Variants in SNX4 observed in about 807,000 individuals in gnomAD.
The protein encoded by SNX4 is sorting nexin 4, also known as sorting nexin-4.
Under a neutral mutation model 70.8 loss-of-function variants are expected in SNX4, and 49 were observed. The observed-to-expected ratio is 0.69, with a 90% CI of 0.55 to 0.88. The LOEUF (loss-of-function observed/expected upper bound fraction) is 0.88. Ranked by LOEUF, SNX4 falls within the 40% of genes least tolerant of loss-of-function variation. The pLI is 0.00. For missense variants in SNX4, 528 were observed against 544.8 expected, an observed-to-expected ratio of 0.97 and a Z score of 0.31; for synonymous variants, 206 against 183.8, an observed-to-expected ratio of 1.12 and a Z score of -0.98.
At chr3:125,492,087 G>C (rs1407129687) in intron 5 of SNX4, among the ~76,000 whole-genome samples, 1 of 109,286 alleles carries the variant, frequency 9.2e-6, no homozygotes, top group African/African-American at 3.7e-5. Context: ...CAGCCTGGGT[G>C]ACAGAGAAAG....
intron 2 of SNX4, among the ~76,000 whole-genome samples, chr3:125,500,956 G>A (rs1444412780): frequency 3.3e-5 from 5 of 150,264 alleles, no homozygotes; most frequent in Non-Finnish European, 7.4e-5. Flanking sequence ...GTTGCTAAAT[G>A]GGCTTTCTAC....
chr3:125,453,494 ATT>A (rs879307802), intron 12 of SNX4, among the ~76,000 whole-genome samples: 20,848 of 142,298 alleles, frequency 0.15, 1,496 homozygotes, highest in African/African-American at 0.19. Context: ...ACTTTCTTTT[ATT>A]TTTATTTATT....
rs112353038 is a variant in SNX4, at chr3:125,466,944, G to A, written c.854+2510C>T. On this transcript the variant is annotated intron_variant, in intron 9 of 13. Transcript: ENST00000251775. ...CTAAAAATACAAAAATTAGCTGGGTGTGGTGGCACATGTCTGTAGTCCCAG... is the reference window on the plus strand; with the variant it reads ...CTAAAAATACAAAAATTAGCTGGGTATGGTGGCACATGTCTGTAGTCCCAG... Among the ~76,000 whole-genome samples, 1,489 of 152,170 alleles carry A rather than the reference G, an allele frequency of 9.8e-3. 21 individuals are homozygous for A. The highest frequency in any genetic ancestry group is 0.034 in the African/African-American group (1,391 of 41,516).
chr3:125,502,921 T>G (rs1170453341), intron 2 of SNX4, among the ~76,000 whole-genome samples: 2 of 99,258 alleles, frequency 2.0e-5, no homozygotes, highest in African/African-American at 6.3e-5. Flanking sequence ...TTGGTAGTTT[T>G]TTTTTTTTTT....
intron 2 of SNX4, 87 bp from the exon 3 acceptor site, chr3:125,498,281 A>AGATTATGAATGTAATGATTCAT (rs1460219497): frequency 5.4e-5 from 67 of 1,232,800 alleles, no homozygotes; most frequent in Non-Finnish European, 6.7e-5. Context: ...TTATAACTAC[A>AGATTATGAATGTAATGATTCAT]GAATGATTAT....
chr3:125,477,943 C>T (rs1391572004), intron 7 of SNX4, among the ~76,000 whole-genome samples: 11 of 152,114 alleles, frequency 7.2e-5, no homozygotes, highest in African/African-American at 2.7e-4. Flanking sequence ...TACATTAGAA[C>T]CAGCTTTCAG....
intron 9 of SNX4, among the ~76,000 whole-genome samples, chr3:125,462,159 G>A (rs1402601388): frequency 2.6e-5 from 4 of 152,096 alleles, no homozygotes; most frequent in Middle Eastern, 6.8e-3. Context: ...TTCTACTTTC[G>A]TTCCCTTATC....
At position 125,504,257 on chromosome 3, in the gene SNX4, C is replaced by T. The variant is rs576900625; in HGVS notation, c.263+366G>A. 1.1e-4 allele frequency among the ~76,000 whole-genome samples: 16 copies of T among 149,272 alleles called. No homozygotes were observed. The South Asian group carries it at 3.0e-3, about 28-fold the overall frequency. ...CTAAGGCAGGAGAATCGCTTGAATC[C>T]GGGAGACAGAGATTGCAGTGAGCCA... On this transcript the variant is annotated intron_variant, in intron 2 of 13. Coordinates refer to ENST00000251775, the MANE Select transcript of SNX4 (RefSeq NM_003794.4).
chr3:125,490,804 C>A (rs970310891), intron 5 of SNX4, among the ~76,000 whole-genome samples: 1 of 151,108 alleles, frequency 6.6e-6, no homozygotes, highest in African/African-American at 2.4e-5. Flanking sequence ...AAAAAGACAA[C>A]CAAACAACTT....
At chr3:125,515,362 T>A (rs1025617447) in intron 1 of SNX4, among the ~76,000 whole-genome samples, 6 of 150,904 alleles carry the variant, frequency 4.0e-5, no homozygotes, top group African/African-American at 1.2e-4. Flanking sequence ...AAAAAATATA[T>A]ATATATATAT....
intron 6 of SNX4, among the ~76,000 whole-genome samples, chr3:125,480,853 C>T (rs1407322068): frequency 6.6e-6 from 1 of 152,174 alleles, no homozygotes; most frequent in East Asian, 1.9e-4. Flanking sequence ...TTACACACTT[C>T]CCCATATCTA....
At chr3:125,482,806 T>C (rs555576911) in intron 6 of SNX4, among the ~76,000 whole-genome samples, 1 of 152,180 alleles carries the variant, frequency 6.6e-6, no homozygotes, top group South Asian at 2.1e-4. Flanking sequence ...TAACCACTCT[T>C]ACTCCCCCAG....
At chr3:125,467,705 A>G (rs995204599) in intron 9 of SNX4, among the ~76,000 whole-genome samples, 2 of 152,140 alleles carry the variant, frequency 1.3e-5, no homozygotes, top group East Asian at 3.9e-4. Context: ...GAGCCACTGC[A>G]CCTGGCCAGA....
At chr3:125,469,976 C>A (rs1195397653) in intron 8 of SNX4, among the ~76,000 whole-genome samples, 1 of 152,048 alleles carries the variant, frequency 6.6e-6, no homozygotes, top group East Asian at 1.9e-4. Flanking sequence ...AAAAAGACAA[C>A]TGTATAGAAA....
intron 9 of SNX4, among the ~76,000 whole-genome samples, chr3:125,467,348 C>T (rs1362212570): frequency 6.6e-5 from 10 of 151,860 alleles, no homozygotes; most frequent in South Asian, 4.2e-4. Context: ...GATTGCGCCA[C>T]GGCACTCCAG....
At chr3:125,489,282 T>C (rs539076754) in intron 6 of SNX4, 126 bp downstream of exon 6, 1 of 705,116 alleles carries the variant, frequency 1.4e-6, no homozygotes, top group East Asian at 2.7e-5. Flanking sequence ...TTTAAAAGGA[T>C]TTCACTAAAT....
chr3:125,504,294 C>T (rs1435644763), intron 2 of SNX4, among the ~76,000 whole-genome samples: 2 of 148,290 alleles, frequency 1.3e-5, no homozygotes, highest in African/African-American at 5.0e-5. Context: ...GATCATGCCA[C>T]TGCATTCTAG....
Position 125,520,068 on chromosome 3 carries a change from CG to C in SNX4, c.104del (p.Ala35GlyfsTer14). Reference sequence around the variant, plus strand: ...CAGAGCTCTCTTCTCCGGCCCCCTCCGCTTCCTTGCCGACCGCAGCCCCCAG... The same window carrying C: ...CAGAGCTCTCTTCTCCGGCCCCCTCCCTTCCTTGCCGACCGCAGCCCCCAG... Reference protein sequence around the residue: ...AGLGAAVGKEAEGAGEESSGV... With the variant: ...AGLGAAVGKEXEGAGEESSGV... On this transcript the variant is annotated frameshift_variant, in exon 1 of 14. Coordinates refer to ENST00000251775, the MANE Select transcript of SNX4 (RefSeq NM_003794.4). LOFTEE classifies it high-confidence loss of function. The C allele has an allele frequency of 6.4e-7, 1 of 1,554,072 alleles. No individual in the cohort carries two copies. Among genetic ancestry groups the C allele is most frequent in the South Asian group, 1.2e-5 (1 of 84,072 alleles).
chr3:125,507,074 C>T (rs901978513), intron 1 of SNX4, among the ~76,000 whole-genome samples: 22 of 149,674 alleles, frequency 1.5e-4, no homozygotes, highest in Non-Finnish European at 2.1e-4. Flanking sequence ...TGGTGGCGGG[C>T]GCTTGTAATC....
Sources: gnomAD v4.1 joint callset for allele counts (sites outside exome capture counted in the v4.1 genomes callset) on GRCh38, gnomAD v4.1.1 for gene constraint, MANE v1.5 for transcripts, NCBI Gene and HGNC (gene_info 2026-07-23, HGNC 2026-07-21) for gene names.